SH3BGRL2: variants seen among roughly 807,000 people sequenced by gnomAD.
The protein encoded by SH3BGRL2 is SH3 domain-binding glutamic acid-rich-like protein 2.
A neutral mutation model predicts 14.8 loss-of-function variants in SH3BGRL2; 21 were observed. The ratio of observed to expected loss-of-function variants is 1.42; its 90% CI spans 1.01 to 2.05. SH3BGRL2 has a LOEUF of 2.05. Among genes scored for constraint, SH3BGRL2 ranks in the 30% most tolerant of loss-of-function variants. The pLI is 0.00. For synonymous variants in SH3BGRL2, 50 were observed against 47.8 expected (o/e 1.05, Z -0.19); for missense variants, 147 against 130.8 (o/e 1.12, Z -0.61).
At chr6:79,670,525 GC>G (rs1769751782) in intron 1 of SH3BGRL2, among the ~76,000 whole-genome samples, 1 of 152,162 alleles carries the variant, frequency 6.6e-6, no homozygotes, top group Admixed American at 6.5e-5. Flanking sequence ...TTATTGCCAG[GC>G]TCTACTGTGC....
At chr6:79,623,855 A>ATT in the SH3BGRL2 span, among the ~76,000 whole-genome samples, 1 of 152,074 alleles carries the variant, frequency 6.6e-6, no homozygotes, top group Admixed American at 6.5e-5. Context: ...AAATAATAAC[A>ATT]CTTTATGTTT....
At chr6:79,693,490 G>A (rs911200459) in intron 2 of SH3BGRL2, among the ~76,000 whole-genome samples, 1 of 150,496 alleles carries the variant, frequency 6.6e-6, no homozygotes, top group Non-Finnish European at 1.5e-5. Context: ...TATTGGCTGT[G>A]GGTTTGTCAT....
the SH3BGRL2 span, among the ~76,000 whole-genome samples, chr6:79,577,117 G>A: frequency 4.6e-5 from 7 of 152,086 alleles, no homozygotes; most frequent in South Asian, 1.5e-3. Context: ...GGCATCATTT[G>A]TTGAAAAAAC....
the SH3BGRL2 span, among the ~76,000 whole-genome samples, chr6:79,540,113 G>A: frequency 7.9e-5 from 12 of 152,138 alleles, no homozygotes; most frequent in East Asian, 9.6e-4. Flanking sequence ...AAGAGAAATC[G>A]AATGGATTGG....
chr6:79,652,063 A>C (rs565822565), intron 1 of SH3BGRL2, among the ~76,000 whole-genome samples: 2 of 152,286 alleles, frequency 1.3e-5, no homozygotes, highest in East Asian at 3.9e-4. Context: ...AGGAGGGCAA[A>C]ATCACCTCCA....
the SH3BGRL2 span, among the ~76,000 whole-genome samples, chr6:79,554,208 T>G: frequency 2.0e-4 from 31 of 152,296 alleles, no homozygotes; most frequent in Non-Finnish European, 1.8e-4. Context: ...TTCCCTCTTA[T>G]TTTTCCTGTT....
At chr6:79,561,625 A>G in the SH3BGRL2 span, 1 of 152,236 alleles carries the variant, frequency 6.6e-6, no homozygotes, top group Admixed American at 6.5e-5. Context: ...CGAGCAAGAT[A>G]TCTTCTCAGA....
At chr6:79,562,947 T>TTTTG in the SH3BGRL2 span, among the ~76,000 whole-genome samples, 3 of 152,038 alleles carry the variant, frequency 2.0e-5, no homozygotes, top group Non-Finnish European at 4.4e-5. Flanking sequence ...GGTCTATATT[T>TTTTG]TTTGTTTGTT....
rs140851987 is a variant in SH3BGRL2, at chr6:79,640,167, G to A, written c.45+8661G>A. On this transcript the variant is annotated intron_variant, in intron 1 of 3. Coordinates refer to ENST00000369838, the MANE Select transcript of SH3BGRL2 (RefSeq NM_031469.4). ...GCAGGAGGGGAGGAGCTGGAGGTTGGAAGCCTGTACCAGCTAGAAACTGCA... is the reference window on the plus strand; with the variant it reads ...GCAGGAGGGGAGGAGCTGGAGGTTGAAAGCCTGTACCAGCTAGAAACTGCA... Among the ~76,000 whole-genome samples, 994 of 152,222 alleles carry A rather than the reference G, an allele frequency of 6.5e-3. 14 individuals carry two copies. Among genetic ancestry groups the A allele is most frequent in the Non-Finnish European group, 7.3e-3 (498 of 68,018 alleles).
At chr6:79,690,224 A>G (rs1313060212) in intron 2 of SH3BGRL2, among the ~76,000 whole-genome samples, 1 of 151,988 alleles carries the variant, frequency 6.6e-6, no homozygotes, top group Admixed American at 6.6e-5. Flanking sequence ...ACTCCTGGCC[A>G]CAGACAGTCC....
Position 79,696,697 on chromosome 6 carries a change from ATAAT to A in SH3BGRL2, c.312+135_312+138del, listed in dbSNP as rs763737883. On this transcript the variant is annotated intron_variant, in intron 3 of 3. Transcript: ENST00000369838. ...TTGGGGGTTTTGCTTCCTCTGATGCATAATTAGAGACTACCCAGTGTTAAAACAT... is the reference window on the plus strand; with the variant it reads ...TTGGGGGTTTTGCTTCCTCTGATGCATAGAGACTACCCAGTGTTAAAACAT... 99 of 591,968 alleles carry A rather than the reference ATAAT, an allele frequency of 1.7e-4. No individual in the cohort carries two copies. In the South Asian group the frequency reaches 2.8e-3, roughly 17 times the overall value. 36.7% of individuals were successfully genotyped at this position (591,968 alleles called of 1,614,324 possible).
chr6:79,628,164 C>T (rs776888388), upstream of SH3BGRL2, among the ~76,000 whole-genome samples: 22 of 152,046 alleles, frequency 1.4e-4, no homozygotes, highest in Non-Finnish European at 2.9e-4. Flanking sequence ...ATATTTAATA[C>T]ATTAATAAAG....
intron 2 of SH3BGRL2, among the ~76,000 whole-genome samples, chr6:79,677,684 A>C (rs2812704): frequency 0.67 from 101,929 of 152,024 alleles, 35,039 homozygotes; most frequent in East Asian, 0.95. Context: ...TGGAGTCTTG[A>C]CAACTCCTAT....
the SH3BGRL2 span, among the ~76,000 whole-genome samples, chr6:79,569,468 G>T: frequency 6.6e-6 from 1 of 152,170 alleles, no homozygotes; most frequent in African/African-American, 2.4e-5. Flanking sequence ...GCATTTCAAA[G>T]AAATATATTT....
chr6:79,557,598 C>G, the SH3BGRL2 span, among the ~76,000 whole-genome samples: 28 of 152,014 alleles, frequency 1.8e-4, no homozygotes, highest in Non-Finnish European at 3.7e-4. Context: ...TGTTCCCATC[C>G]CAATATCATG....
the SH3BGRL2 span, among the ~76,000 whole-genome samples, chr6:79,597,112 C>A: frequency 5.3e-5 from 8 of 151,962 alleles, no homozygotes; most frequent in Non-Finnish European, 1.2e-4. Flanking sequence ...CACCTGTAAT[C>A]CCAGCCTCTC....
the SH3BGRL2 span, among the ~76,000 whole-genome samples, chr6:79,551,362 G>C: frequency 6.6e-6 from 1 of 152,128 alleles, no homozygotes; most frequent in Non-Finnish European, 1.5e-5. Flanking sequence ...AAGTCATCTG[G>C]GATCTTTTTG....
intron 1 of SH3BGRL2, among the ~76,000 whole-genome samples, chr6:79,659,286 A>C (rs144403081): frequency 0.45 from 68,866 of 151,990 alleles, 16,534 homozygotes; most frequent in Non-Finnish European, 0.53. Context: ...ACATTTAAAT[A>C]CTTAATCCAT....
At chr6:79,571,593 T>G in the SH3BGRL2 span, among the ~76,000 whole-genome samples, 1 of 152,152 alleles carries the variant, frequency 6.6e-6, no homozygotes, top group Non-Finnish European at 1.5e-5. Flanking sequence ...CACAGCCAAA[T>G]TAATTAACAT....
Sources: allele counts gnomAD v4.1 joint callset (sites outside exome capture counted in the v4.1 genomes callset), GRCh38; gene constraint gnomAD v4.1.1; transcripts MANE v1.5; gene names NCBI Gene and HGNC (gene_info 2026-07-23, HGNC 2026-07-21).